Variants in CCDC171 observed in about 807,000 individuals in gnomAD.
CCDC171 encodes the protein coiled-coil domain containing 171, also known as coiled-coil domain-containing protein 171.
In CCDC171, 177 loss-of-function variants were observed where a neutral mutation model predicts 168.2. The ratio of observed to expected loss-of-function variants is 1.05; its 90% CI spans 0.93 to 1.19. CCDC171 has a LOEUF of 1.19. Among genes scored for constraint, CCDC171 ranks in the 50% most tolerant of loss-of-function variants. CCDC171 has a pLI of 0.00. For missense variants in CCDC171, 1,991 were observed against 1,539.0 expected (o/e 1.29, Z -4.91); for synonymous variants, 687 against 540.8 (o/e 1.27, Z -3.75).
At chr9:15,761,036 A>G (rs1388994744) in intron 18 of CCDC171, among the ~76,000 whole-genome samples, 1 of 152,204 alleles carries the variant, frequency 6.6e-6, no homozygotes, top group East Asian at 1.9e-4. Flanking sequence ...ACTTTTTGAT[A>G]TGACTGGTCG....
intron 7 of CCDC171, among the ~76,000 whole-genome samples, chr9:15,656,205 C>G (rs1487179405): frequency 6.6e-6 from 1 of 151,914 alleles, no homozygotes; most frequent in Non-Finnish European, 1.5e-5. Context: ...TGTAGTAGTC[C>G]CAGCTACTTG....
intron 23 of CCDC171, among the ~76,000 whole-genome samples, chr9:15,869,513 G>GTTTTTTTTTTT (rs72548935): frequency 6.8e-6 from 1 of 147,976 alleles, no homozygotes; most frequent in Admixed American, 6.7e-5. Flanking sequence ...AAAGCGTAGT[G>GTTTTTTTTTTT]TTTTTTTTTT....
chr9:15,829,860 C>T (rs1307850936), intron 21 of CCDC171, among the ~76,000 whole-genome samples: 1 of 152,098 alleles, frequency 6.6e-6, no homozygotes, highest in Non-Finnish European at 1.5e-5. Context: ...ATTGAGGCTG[C>T]AGTGAACCAT....
At chr9:15,693,324 T>G (rs774527576) in intron 10 of CCDC171, among the ~76,000 whole-genome samples, 3 of 152,184 alleles carry the variant, frequency 2.0e-5, no homozygotes, top group Non-Finnish European at 4.4e-5. Context: ...TATGTTTTCA[T>G]TGATGAAGGG....
intron 24 of CCDC171, among the ~76,000 whole-genome samples, chr9:15,889,385 A>T (rs542242914): frequency 6.6e-6 from 1 of 152,174 alleles, no homozygotes; most frequent in Non-Finnish European, 1.5e-5. Context: ...CATTGTGTCA[A>T]TGCAATCAAA....
At chr9:15,661,406 T>G (rs2133051221) in intron 8 of CCDC171, among the ~76,000 whole-genome samples, 1 of 152,252 alleles carries the variant, frequency 6.6e-6, no homozygotes, top group South Asian at 2.1e-4. Flanking sequence ...GATACATCCC[T>G]GGGAATATAT....
At chr9:15,920,114 C>T (rs1262945669) in intron 24 of CCDC171, among the ~76,000 whole-genome samples, 156 bp from the exon 25 acceptor site, 1 of 151,534 alleles carries the variant, frequency 6.6e-6, no homozygotes, top group Admixed American at 6.6e-5. Flanking sequence ...AGTCACTGTT[C>T]TCAATATAAA....
chr9:15,816,386 T>C lies in CCDC171; in HGVS notation c.3268-30316T>C, dbSNP rs889400123. ...AAATAACTTGTATATAATCTCATTA[T>C]CACTCACATATAAACATTATTAATA... On this transcript the variant is annotated intron_variant, in intron 21 of 25. Transcript: ENST00000380701. 9.2e-5 allele frequency among the ~76,000 whole-genome samples: 11 copies of C among 119,230 alleles called. 3 individuals are homozygous for C. Among genetic ancestry groups the C allele is most frequent in the African/African-American group, 3.4e-4 (11 of 31,984 alleles). The allele number at this position is 119,230 out of a possible 152,430, so 78.2% of individuals were successfully genotyped here. A position where few individuals can be genotyped will look rare whatever the true frequency, so the allele number is the denominator to read the frequency against.
chr9:15,778,155 G>C (rs1299909811), intron 19 of CCDC171, among the ~76,000 whole-genome samples: 1 of 150,800 alleles, frequency 6.6e-6, no homozygotes, highest in Non-Finnish European at 1.5e-5. Flanking sequence ...AAATTAGCCC[G>C]GCGCGGTGGC....
chr9:15,797,233 T>C (rs191541736), intron 21 of CCDC171, among the ~76,000 whole-genome samples: 2 of 152,298 alleles, frequency 1.3e-5, no homozygotes, highest in Admixed American at 6.5e-5. Flanking sequence ...ACTGATTTTT[T>C]TGAGACAAGG....
At chr9:15,917,678 A>G (rs888002324) in intron 24 of CCDC171, among the ~76,000 whole-genome samples, 45 of 151,890 alleles carry the variant, frequency 3.0e-4, no homozygotes, top group African/African-American at 8.9e-4. Flanking sequence ...TGTCATAAAG[A>G]TGAAATTCAT....
intron 21 of CCDC171, among the ~76,000 whole-genome samples, chr9:15,831,200 C>A (rs1015351229): frequency 6.6e-6 from 1 of 151,892 alleles, no homozygotes; most frequent in Admixed American, 6.6e-5. Flanking sequence ...TCTCGAACTC[C>A]TAACCTTGTG....
rs576255634 is a variant in CCDC171, at chr9:15,705,707, A to C, written c.1318+10370A>C. Among the ~76,000 whole-genome samples the C allele has an allele frequency of 1.2e-4, 18 of 152,288 alleles. No individual in the cohort carries two copies. The South Asian group carries it at 2.7e-3, about 23-fold the overall frequency. On this transcript the variant is annotated intron_variant, in intron 11 of 25. Transcript: ENST00000380701. Reference sequence around the variant, plus strand: ...TTCCCCCATAGCACCTATTGCAGTCAAACATTTCTATCATAGTATATGGAA... The same window carrying C: ...TTCCCCCATAGCACCTATTGCAGTCCAACATTTCTATCATAGTATATGGAA...
exon 2 of CCDC171, chr9:16,060,751 AC>A (rs763200022): frequency 1.3e-5 from 2 of 152,252 alleles, no homozygotes; most frequent in Non-Finnish European, 2.9e-5. Context: ...TTAGAAAAAA[AC>A]ATTTCTAGTT....
intron 18 of CCDC171, among the ~76,000 whole-genome samples, chr9:15,765,501 G>C (rs1436617399): frequency 2.0e-5 from 3 of 152,228 alleles, no homozygotes; most frequent in South Asian, 2.1e-4. Flanking sequence ...TAACAGGAGG[G>C]AAGGCAGAGT....
intron 1 of CCDC171, among the ~76,000 whole-genome samples, chr9:16,046,923 C>T (rs1024054053): frequency 2.0e-5 from 3 of 152,168 alleles, no homozygotes; most frequent in African/African-American, 4.8e-5. Flanking sequence ...AACCTTCAGT[C>T]GTTCCCCAGG....
At chr9:16,078,055 A>AACACACACACACACAC in the CCDC171 span, among the ~76,000 whole-genome samples, 1 of 143,800 alleles carries the variant, frequency 7.0e-6, no homozygotes, top group African/African-American at 2.5e-5. Context: ...CACCCATGCA[A>AACACACACACACACAC]ACACACACAC....
At chr9:15,888,197 A>G (rs1355013985) in intron 24 of CCDC171, 1 of 152,222 alleles carries the variant, frequency 6.6e-6, no homozygotes, top group Non-Finnish European at 1.5e-5. Context: ...ACATTTTTAA[A>G]GGAGTACTAC....
chr9:15,743,138 C>CTTTTTTTTT (rs66642691), intron 16 of CCDC171, among the ~76,000 whole-genome samples: 17 of 73,260 alleles, frequency 2.3e-4, no homozygotes, highest in African/African-American at 4.6e-4. Flanking sequence ...CTGTTACCTT[C>CTTTTTTTTT]TTTTTTTTTT....
Sources: allele counts gnomAD v4.1 joint callset (sites outside exome capture counted in the v4.1 genomes callset), GRCh38; gene constraint gnomAD v4.1.1; transcripts MANE v1.5; gene names NCBI Gene and HGNC (gene_info 2026-07-23, HGNC 2026-07-21).